BBOF1: variants seen among roughly 807,000 people sequenced by gnomAD.
BBOF1 encodes the protein basal body-orientation factor 1.
A neutral mutation model predicts 68.0 loss-of-function variants in BBOF1; 62 were observed. The ratio of observed to expected loss-of-function variants is 0.91; its 90% CI spans 0.74 to 1.13. The LOEUF (loss-of-function observed/expected upper bound fraction) is 1.13. Ranked by LOEUF, BBOF1 falls within the 50% of genes most tolerant of loss-of-function variation. BBOF1 has a pLI of 0.00. For synonymous variants in BBOF1, 208 were observed against 198.8 expected (o/e 1.05, Z -0.39); for missense variants, 534 against 600.1 (o/e 0.89, Z 1.15).
chr14:74,020,723 C>T lies in BBOF1; in HGVS notation c.56+1189C>T, dbSNP rs113692326. Among the ~76,000 whole-genome samples, 299 of 152,112 alleles carry T rather than the reference C, an allele frequency of 2.0e-3. 2 individuals carry two copies. The highest frequency in any genetic ancestry group is 6.8e-3 in the African/African-American group (284 of 41,502). ...TTCACCATGTTGGCCAGGCTGGTCT[C>T]GAACTCCTGACTTCAGGTGATCCAC... On this transcript the variant is annotated intron_variant, in intron 1 of 11. Coordinates refer to ENST00000394009, the MANE Select transcript of BBOF1 (RefSeq NM_025057.3).
At chr14:74,078,570 C>T (rs1256756421) in intron 10 of BBOF1, among the ~76,000 whole-genome samples, 3 of 152,126 alleles carry the variant, frequency 2.0e-5, no homozygotes, top group Admixed American at 6.5e-5. Flanking sequence ...CTCTGTCACC[C>T]AGGCTGGAGT....
At chr14:74,066,673 G>A (rs1353556721), downstream of BBOF1, 2 of 1,597,372 alleles carry the variant, frequency 1.3e-6, no homozygotes, top group Admixed American at 3.3e-5. Flanking sequence ...GGTGCCTTCA[G>A]CTCTCATATT....
chr14:74,044,635 A>T (rs1052497818), intron 5 of BBOF1, among the ~76,000 whole-genome samples: 14 of 151,820 alleles, frequency 9.2e-5, no homozygotes, highest in African/African-American at 2.4e-4. Flanking sequence ...ATTAAAAAAA[A>T]TTTTTTTTGG....
intron 3 of BBOF1, among the ~76,000 whole-genome samples, chr14:74,030,015 CA>C (rs2140980665): frequency 6.6e-6 from 1 of 152,154 alleles, no homozygotes; most frequent in East Asian, 1.9e-4. Flanking sequence ...CTAATATTAC[CA>C]CCAAAAATAA....
Position 74,057,202 on chromosome 14 carries a change from T to C in BBOF1, c.1522T>C (p.Ser508Pro). The change falls in exon 11 of 12, where the codon TCT becomes CCT. Residue 508 changes from serine to proline, a missense_variant. Physicochemically the swap from Ser to Pro is moderately conservative, Grantham distance 74. Transcript: ENST00000394009. The part of the protein sequence containing the change: ...FITQQIAISD[S>P]SGEVVLPTIP... The stretch of plus-strand genomic sequence containing the variant: ...CACCCAGCAAATTGCAATATCAGAC[T>C]CTTCTGGTGAAGTGGTGCTACCCAC... The C allele has an allele frequency of 6.2e-7, 1 of 1,614,120 alleles. No homozygotes were observed.
chr14:74,052,714 C>T (rs558651562), intron 8 of BBOF1, among the ~76,000 whole-genome samples: 15 of 150,520 alleles, frequency 1.0e-4, no homozygotes, highest in South Asian at 2.1e-4. Context: ...ATATGGTAAT[C>T]GGCTGGGTGT....
chr14:74,055,623 C>T lies in BBOF1; in HGVS notation c.1326C>T (p.Thr442=), dbSNP rs1191150806. The T allele has an allele frequency of 1.2e-6, 2 of 1,613,704 alleles. No homozygotes were observed. The highest frequency in any genetic ancestry group is 1.7e-6 in the Non-Finnish European group (2 of 1,179,830). The change falls in exon 9 of 12, where the codon ACC becomes ACT. Residue 442 remains threonine (T), a synonymous_variant. Coordinates refer to ENST00000394009, the MANE Select transcript of BBOF1 (RefSeq NM_025057.3). ...IEGNVDIGDL[T]WEQKEKVLRL... Reference sequence around the variant, plus strand: ...GAAATGTGGATATTGGAGATTTGACCTGGGAGCAGAAGGAAAAAGTATTGC... The same window carrying T: ...GAAATGTGGATATTGGAGATTTGACTTGGGAGCAGAAGGAAAAAGTATTGC...
At chr14:74,028,778 G>A (rs1011298557) in intron 2 of BBOF1, among the ~76,000 whole-genome samples, 2 of 151,198 alleles carry the variant, frequency 1.3e-5, no homozygotes, top group Admixed American at 6.6e-5. Context: ...ACGCCATCTC[G>A]GCTCACTGCA....
At chr14:74,056,792 A>C (rs1206465715) in intron 9 of BBOF1, 114 bp from the exon 10 acceptor site, 1 of 687,668 alleles carries the variant, frequency 1.5e-6, no homozygotes, top group Non-Finnish European at 2.5e-6. Flanking sequence ...ACGTATACCT[A>C]CTATCACCCA....
intron 9 of BBOF1, chr14:74,071,937 T>C: frequency 1.2e-6 from 2 of 1,614,244 alleles, no homozygotes; most frequent in East Asian, 2.2e-5. Context: ...AGCTAGGGTC[T>C]TCCCTTGTTC....
chr14:74,070,529 A>G (rs2060535122), downstream of BBOF1, among the ~76,000 whole-genome samples: 1 of 152,194 alleles, frequency 6.6e-6, no homozygotes, highest in Non-Finnish European at 1.5e-5. Context: ...AAAAAAAAGA[A>G]TAACAATATT....
At chr14:74,053,406 C>T (rs1050357620) in intron 8 of BBOF1, among the ~76,000 whole-genome samples, 10 of 150,216 alleles carry the variant, frequency 6.7e-5, no homozygotes, top group African/African-American at 1.5e-4. Flanking sequence ...CCACTGCACC[C>T]GGCCGACTTT....
chr14:74,077,788 G>A (rs528684860), intron 9 of BBOF1, among the ~76,000 whole-genome samples: 18 of 152,212 alleles, frequency 1.2e-4, no homozygotes, highest in African/African-American at 4.1e-4. Flanking sequence ...CAGCACCTGG[G>A]TACTTATCTG....
chr14:74,078,310 G>A (rs900541857), exon 10 of BBOF1: 6 of 454,334 alleles, frequency 1.3e-5, no homozygotes, highest in Middle Eastern at 3.2e-4. Flanking sequence ...AAAAGTGACC[G>A]AGACAGTGGT....
chr14:74,081,036 T>G (rs2060663428), intron 10 of BBOF1: 1 of 152,334 alleles, frequency 6.6e-6, no homozygotes, highest in South Asian at 2.1e-4. Context: ...CTGTTTCATC[T>G]AATTTCCTTG....
chr14:74,031,518 G>A (rs1337192186), intron 3 of BBOF1, among the ~76,000 whole-genome samples: 1 of 152,130 alleles, frequency 6.6e-6, no homozygotes, highest in African/African-American at 2.4e-5. Flanking sequence ...ACCATAGACT[G>A]AGGTGCTCAA....
In BBOF1 at chr14:74,047,996, T is replaced by G; in HGVS notation, c.714T>G (p.Tyr238Ter). ...ENDYLQKALA[Y>*]HLKETDALQK... ...ATTATCTTCAGAAAGCTCTGGCATATCACCTGAAGGAAACTGACGCTCTAC... is the reference window on the plus strand; with the variant it reads ...ATTATCTTCAGAAAGCTCTGGCATAGCACCTGAAGGAAACTGACGCTCTAC... The change falls in exon 7 of 12, where the codon TAT becomes TAG. Residue 238 changes from tyrosine to a stop codon, truncating the protein, a stop_gained. Transcript: ENST00000394009. LOFTEE classifies it high-confidence loss of function. The G allele has an allele frequency of 6.2e-7, 1 of 1,613,270 alleles. No individual in the cohort carries two copies. The highest frequency in any genetic ancestry group is 8.5e-7 in the Non-Finnish European group (1 of 1,179,576).
At chr14:74,068,908 A>G (rs550119518), downstream of BBOF1, 2 of 1,614,048 alleles carry the variant, frequency 1.2e-6, no homozygotes, top group East Asian at 4.5e-5. Context: ...TCTCGAAGAT[A>G]TACTCTCCTG....
intron 1 of BBOF1, 146 bp from the exon 2 acceptor site, chr14:74,022,770 A>G: frequency 5.0e-6 from 2 of 397,886 alleles, no homozygotes; most frequent in Non-Finnish European, 9.1e-6. Context: ...TCTTCCAACA[A>G]TATTTGATCA....
Sources: allele counts gnomAD v4.1 joint callset (sites outside exome capture counted in the v4.1 genomes callset), GRCh38; gene constraint gnomAD v4.1.1; transcripts MANE v1.5; gene names NCBI Gene and HGNC (gene_info 2026-07-23, HGNC 2026-07-21).